Variants in POU2F2 observed in about 807,000 individuals in gnomAD.
POU2F2 encodes the protein POU class 2 homeobox 2.
In POU2F2, 14 loss-of-function variants were observed where a neutral mutation model predicts 63.5. The ratio of observed to expected loss-of-function variants is 0.22; its 90% CI spans 0.15 to 0.34. The LOEUF (loss-of-function observed/expected upper bound fraction) is 0.34, where lower values mean the gene tolerates loss of function less well. POU2F2 is among the 10% of genes least tolerant of loss of function. POU2F2 has a pLI of 1.00. For missense variants in POU2F2, 607 were observed against 815.2 expected (o/e 0.74, Z 3.11); for synonymous variants, 306 against 348.6 (o/e 0.88, Z 1.36).
chr19:42,095,203 G>C lies in POU2F2; in HGVS notation c.1197+83C>G. The C allele has an allele frequency of 6.8e-7, 1 of 1,464,910 alleles. No individual in the cohort carries two copies. Among genetic ancestry groups the C allele is most frequent in the Non-Finnish European group, 9.1e-7 (1 of 1,094,578 alleles). 90.7% of individuals were successfully genotyped at this position (1,464,910 alleles called of 1,614,324 possible). A position where few individuals can be genotyped will look rare whatever the true frequency, so the allele number is the denominator to read the frequency against. ...TCTTCTTGTCTCTGTTCTAGGCTCTGTGGACAACCAGGTAGGGTGGGCTTC... is the reference window on the plus strand; with the variant it reads ...TCTTCTTGTCTCTGTTCTAGGCTCTCTGGACAACCAGGTAGGGTGGGCTTC... On this transcript the variant is annotated intron_variant, in intron 11 of 14. Transcript: ENST00000692977. This position sits in a 1 kb window ranked among gnomAD's most constrained non-coding sequence, Gnocchi z 7.1.
At chr19:42,123,367 G>A (rs746164197) in intron 1 of POU2F2, 1 of 152,216 alleles carries the variant, frequency 6.6e-6, no homozygotes, top group Non-Finnish European at 1.5e-5. Context: ...GAAAGGAGGT[G>A]GCCAAGGGAG....
intron 2 of POU2F2, among the ~76,000 whole-genome samples, chr19:42,139,227 G>A (rs2034079930): frequency 6.6e-6 from 1 of 152,098 alleles, no homozygotes; most frequent in Non-Finnish European, 1.5e-5. Context: ...AACTGAGGCA[G>A]GAAAATCGCT....
chr19:42,196,537 C>T (rs1179622311), exon 1 of POU2F2: 1 of 152,472 alleles, frequency 6.6e-6, no homozygotes, highest in Non-Finnish European at 1.5e-5. Flanking sequence ...CAAGGTTCCG[C>T]TCCTCCGTGG....
Position 42,099,601 on chromosome 19 carries a change from T to C in POU2F2, c.493A>G (p.Asn165Asp). 6.2e-7 allele frequency: 1 copy of C among 1,613,736 alleles called. No individual in the cohort carries two copies. Among genetic ancestry groups the C allele is most frequent in the Non-Finnish European group, 8.5e-7 (1 of 1,179,782 alleles). ...QSQPGLLPTP[N>D]LFQLPQQTQG... is the part of the protein sequence containing the mutation. ...GTTTGCTGAGGTAGCTGGAATAGAT[T>C]TGGTGTCGGTAGCAGGCCTGGAAAG... The change falls in exon 7 of 15, where the codon AAT becomes GAT. Residue 165 changes from asparagine (N) to aspartate (D), a missense_variant. By Grantham distance (23) the Asn-to-Asp change is conservative. Coordinates refer to ENST00000692977, the MANE Select transcript of POU2F2 (RefSeq NM_001394376.1).
chr19:42,136,293 T>C (rs1001386938), upstream of POU2F2, among the ~76,000 whole-genome samples: 2 of 148,178 alleles, frequency 1.3e-5, no homozygotes, highest in Non-Finnish European at 3.0e-5. Flanking sequence ...CATGCCATCC[T>C]CCCACCTCAG....
chr19:42,195,883 G>C (rs1414808967), intron 1 of POU2F2, among the ~76,000 whole-genome samples: 1 of 151,116 alleles, frequency 6.6e-6, no homozygotes, highest in Non-Finnish European at 1.5e-5. Context: ...AGGTTCAAGA[G>C]ATCCTTCTGC....
intron 1 of POU2F2, among the ~76,000 whole-genome samples, chr19:42,185,812 G>A (rs1198265360): frequency 2.6e-5 from 4 of 152,142 alleles, no homozygotes; most frequent in African/African-American, 7.2e-5. Flanking sequence ...GAAAGCTCAC[G>A]GTCCAGTAAG....
Sources: gnomAD v4.1 joint callset for allele counts (sites outside exome capture counted in the v4.1 genomes callset) on GRCh38, gnomAD v4.1.1 for gene constraint, Gnocchi (gnomAD v3.1) non-coding constraint, MANE v1.5 for transcripts, NCBI Gene and HGNC (gene_info 2026-07-23, HGNC 2026-07-21) for gene names.